The following GTF3C1 variants were observed in gnomAD, a reference collection of about 807,000 sequenced individuals.
The protein encoded by GTF3C1 is general transcription factor IIIC subunit 1.
Under a neutral mutation model 226.7 loss-of-function variants are expected in GTF3C1, and 57 were observed. The observed-to-expected ratio is 0.25, with a 90% confidence interval of 0.20 to 0.31. The LOEUF is 0.31. GTF3C1 is among the 10% of genes least tolerant of loss of function. GTF3C1 has a pLI of 1.00. For synonymous variants in GTF3C1, 1,090 were observed against 1,084.8 expected (o/e 1.00, Z -0.09); for missense variants, 2,217 against 2,776.1 (o/e 0.80, Z 4.53).
chr16:27,540,520 G>A (rs117797913), intron 2 of GTF3C1, among the ~76,000 whole-genome samples: 11 of 152,330 alleles, frequency 7.2e-5, no homozygotes, highest in African/African-American at 2.6e-4. Context: ...TCGCGAATTA[G>A]CTGATTCAAT....
At chr16:27,515,677 C>A (rs1001792690) in intron 6 of GTF3C1, among the ~76,000 whole-genome samples, 3 of 152,160 alleles carry the variant, frequency 2.0e-5, no homozygotes, top group African/African-American at 7.2e-5. Flanking sequence ...TTCCATAGCT[C>A]CCCATGTCTG....
At position 27,489,165 on chromosome 16, in the gene GTF3C1, C is replaced by A; in HGVS notation, c.3307G>T (p.Val1103Leu). ...CCAGGGATCAAGCCTTCATCCACCA[C>A]CTCACGGCTTCCACTAAAAGACAGG... is the stretch of plus-strand genomic sequence containing the variant. ...MLEYTTGSRE[V>L]VDEGLIPGDG... is the part of the protein sequence containing the mutation. The change falls in exon 21 of 37, where the codon GTG (valine) becomes TTG (leucine). Residue 1103 changes from valine (V) to leucine (L), a missense_variant. Coordinates refer to ENST00000356183, the MANE Select transcript of GTF3C1 (RefSeq NM_001520.4). 1 of 1,614,182 alleles carries A rather than the reference C, an allele frequency of 6.2e-7. No homozygotes were observed.
At chr16:27,485,928 CG>C in intron 24 of GTF3C1, 68 bp downstream of exon 24, 1 of 1,073,274 alleles carries the variant, frequency 9.3e-7, no homozygotes. Flanking sequence ...TGGGAGTCCC[CG>C]GAAGGCTCAG....
chr16:27,527,041 C>T (rs2088843942), intron 6 of GTF3C1, among the ~76,000 whole-genome samples: 1 of 152,196 alleles, frequency 6.6e-6, no homozygotes, highest in African/African-American at 2.4e-5. Flanking sequence ...TTCGTCTCTA[C>T]TGAAAATAAA....
chr16:27,498,770 G>A (rs752466099), intron 12 of GTF3C1, 37 bp from the exon 13 acceptor site: 2 of 994,226 alleles, frequency 2.0e-6, no homozygotes, highest in Non-Finnish European at 3.2e-6. Flanking sequence ...CAGGGTGAGG[G>A]AAGAGCTGAG....
Position 27,502,948 on chromosome 16 carries a change from G to T in GTF3C1, c.1818C>A (p.Asp606Glu). The T allele has an allele frequency of 1.9e-6, 3 of 1,613,000 alleles. No individual in the cohort carries two copies. The highest frequency in any genetic ancestry group is 2.5e-6 in the Non-Finnish European group (3 of 1,179,018). Residue 606 changes from aspartate to glutamate, a missense_variant, in exon 11 of 37, where the codon GAC (aspartate) becomes GAA (glutamate). Physicochemically the swap from Asp to Glu is conservative, Grantham distance 45 (BLOSUM62 2). Around this residue, in one of 12 missense-constraint regions of GTF3C1, gnomAD observed 173 missense variants for 207.2 expected, o/e 0.83. Transcript: ENST00000356183. ...GCAGTCGGTAAGTTTCGTGTGGTTT[G>T]TCTTGGCCTGAGCTGTGCCTCCCAG... ...LKTGRHSSGQ[D>E]KPHETYRLLK...
chr16:27,486,002 T>G lies in GTF3C1; in HGVS notation c.3853A>C (p.Thr1285Pro), dbSNP rs760290875. ...TGGGCTGGGCTGGTTGGTACCTTGG[T>G]GTTGAGGACATTGCTGGCAATGCGG... ...LCRIASNVLNTKVKGPFVTWQ... is the reference protein window; with the variant it reads ...LCRIASNVLNPKVKGPFVTWQ... The change falls in exon 24 of 37, where the codon ACC becomes CCC. Residue 1285 changes from threonine to proline, a missense_variant. By Grantham distance (38) the Thr-to-Pro change is conservative (BLOSUM62 -1). This residue lies in a region of GTF3C1 where 546 missense variants were observed against 663.0 expected (regional missense o/e 0.82). Coordinates refer to ENST00000356183, the MANE Select transcript of GTF3C1 (RefSeq NM_001520.4). 6.2e-7 allele frequency: 1 copy of G among 1,605,490 alleles called. No individual in the cohort carries two copies. Among genetic ancestry groups the G allele is most frequent in the Non-Finnish European group, 8.5e-7 (1 of 1,174,726 alleles).
At position 27,469,660 on chromosome 16, in the gene GTF3C1, G is replaced by C. The variant is rs2087836988; in HGVS notation, c.4815-110C>G. 8.3e-7 allele frequency: 1 copy of C among 1,198,950 alleles called. No homozygotes were observed. The highest frequency in any genetic ancestry group is 1.4e-5 in the South Asian group (1 of 71,326). The allele number at this position is 1,198,950 out of a possible 1,614,324, so 74.3% of individuals were successfully genotyped here. ...TGGCTGGGCTTCAGCAGTGGCCCCA[G>C]CAACTGGCTATGCTTCATTACCAAG... On this transcript the variant is annotated intron_variant, in intron 31 of 36. Coordinates refer to ENST00000356183, the MANE Select transcript of GTF3C1 (RefSeq NM_001520.4). This position sits in a 1 kb window ranked among gnomAD's most constrained non-coding sequence, Gnocchi z 4.5.
Position 27,538,200 on chromosome 16 carries a change from G to A in GTF3C1, c.588C>T (p.Asp196=). 1.3e-6 allele frequency: 2 copies of A among 1,577,728 alleles called. No homozygotes were observed. Among genetic ancestry groups the A allele is most frequent in the Non-Finnish European group, 1.7e-6 (2 of 1,164,838 alleles). The change falls in exon 3 of 37, where the codon GAC becomes GAT. Residue 196 remains aspartate, a synonymous_variant. Coordinates refer to ENST00000356183, the MANE Select transcript of GTF3C1 (RefSeq NM_001520.4). The part of the protein sequence containing the change: ...RSRWQGELQR[D]LHTTAFKVDA... Reference sequence around the variant, plus strand: ...CTTACTTGAAAGCAGTGGTGTGAAGGTCTCGCTGGAGCTCCCCTTGCCACC... The same window carrying A: ...CTTACTTGAAAGCAGTGGTGTGAAGATCTCGCTGGAGCTCCCCTTGCCACC...
chr16:27,492,744 T>A lies in GTF3C1; in HGVS notation c.2877-31A>T. 2 of 1,203,936 alleles carry A rather than the reference T, an allele frequency of 1.7e-6. No homozygotes were observed. The highest frequency in any genetic ancestry group is 2.5e-6 in the Non-Finnish European group (2 of 805,216). 74.6% of individuals were successfully genotyped at this position (1,203,936 alleles called of 1,614,324 possible). A position where few individuals can be genotyped will look rare whatever the true frequency, so the allele number is the denominator to read the frequency against. On this transcript the variant is annotated intron_variant, in intron 17 of 36. Coordinates refer to ENST00000356183, the MANE Select transcript of GTF3C1 (RefSeq NM_001520.4). This position sits in a 1 kb window ranked among gnomAD's most constrained non-coding sequence, Gnocchi z 5.0. ...AAACAGAGGGGGCGGGAGGTTCTCA[T>A]CACACCACACTCGCAGCCGGCCGCA...
At chr16:27,530,563 C>A (rs1312727858) in intron 5 of GTF3C1, among the ~76,000 whole-genome samples, 1 of 152,182 alleles carries the variant, frequency 6.6e-6, no homozygotes, top group East Asian at 1.9e-4. Flanking sequence ...CTAATTTATT[C>A]ACTGAATCCT....
In GTF3C1 at chr16:27,545,654, A is replaced by G. The variant is rs553034930; in HGVS notation, c.222-131T>C. On this transcript the variant is annotated intron_variant, in intron 1 of 36. Transcript: ENST00000356183. ...ATCAGTCAGTTTTCCTGCCTTATAA[A>G]TGCAGATAATCTTGACAAGCAGGTT... The G allele has an allele frequency of 9.5e-5, 61 of 642,704 alleles. No individual in the cohort carries two copies. In the South Asian group the frequency reaches 1.1e-3, roughly 11 times the overall value. 39.8% of individuals were successfully genotyped at this position (642,704 alleles called of 1,614,324 possible).
intron 16 of GTF3C1, among the ~76,000 whole-genome samples, chr16:27,494,176 C>T (rs577712108): frequency 8.5e-5 from 13 of 152,084 alleles, no homozygotes; most frequent in East Asian, 5.8e-4. Flanking sequence ...CCAAGACGGG[C>T]GGATCACAAG....
chr16:27,491,457 G>C (rs561165704), intron 19 of GTF3C1, among the ~76,000 whole-genome samples: 80 of 152,294 alleles, frequency 5.3e-4, no homozygotes, highest in African/African-American at 1.8e-3. Flanking sequence ...ACACATCATG[G>C]GGATGGAAGC....
intron 6 of GTF3C1, among the ~76,000 whole-genome samples, chr16:27,513,116 G>A (rs2088601671): frequency 6.6e-6 from 1 of 152,110 alleles, no homozygotes; most frequent in African/African-American, 2.4e-5. Flanking sequence ...GAATTTTGAG[G>A]TAAGATTATC....
In GTF3C1 at chr16:27,506,074, G is replaced by A. The variant is rs201119327; in HGVS notation, c.1595C>T (p.Pro532Leu). 18 of 1,613,664 alleles carry A rather than the reference G, an allele frequency of 1.1e-5. No individual in the cohort carries two copies. Among genetic ancestry groups the A allele is most frequent in the Admixed American group, 3.3e-5 (2 of 60,026 alleles). Residue 532 changes from proline to leucine, a missense_variant, in exon 10 of 37, where the codon CCG becomes CTG. Pro to Leu is a moderately conservative substitution (Grantham distance 98, BLOSUM62 -3). Coordinates refer to ENST00000356183, the MANE Select transcript of GTF3C1 (RefSeq NM_001520.4). ...VVNLHPLKKQPPSFPGAAEER... is the reference protein window; with the variant it reads ...VVNLHPLKKQLPSFPGAAEER... ...TTCAGCAGCTCCTGGGAAGGAGGGC[G>A]GCTGCTTTTTCAATGGGTGTAGGTT... is the stretch of plus-strand genomic sequence containing the variant.
chr16:27,463,479 C>T lies in GTF3C1; in HGVS notation c.5924+62G>A. ...ACCCTCAAAGACCCTCACACAAATC[C>T]TTACACTCGGTCCCTGTCAAGAGCC... On this transcript the variant is annotated intron_variant, in intron 35 of 36. Coordinates refer to ENST00000356183, the MANE Select transcript of GTF3C1 (RefSeq NM_001520.4). The surrounding 1 kb of genome is among the most constrained non-coding windows in gnomAD (Gnocchi z 4.9). 1 of 928,304 alleles carries T rather than the reference C, an allele frequency of 1.1e-6. No individual in the cohort carries two copies. The highest frequency in any genetic ancestry group is 1.3e-5 in the South Asian group (1 of 76,756). 57.5% of individuals were successfully genotyped at this position (928,304 alleles called of 1,614,324 possible). A position where few individuals can be genotyped will look rare whatever the true frequency, so the allele number is the denominator to read the frequency against.
intron 1 of GTF3C1, among the ~76,000 whole-genome samples, chr16:27,547,443 C>T (rs1400387028): frequency 6.6e-6 from 1 of 151,972 alleles, no homozygotes; most frequent in Non-Finnish European, 1.5e-5. Context: ...CCAGACTCAA[C>T]CCCCACGCTG....
chr16:27,467,391 C>A (rs997944327), intron 32 of GTF3C1, among the ~76,000 whole-genome samples: 2 of 152,188 alleles, frequency 1.3e-5, no homozygotes, highest in African/African-American at 4.8e-5. Flanking sequence ...ACTGTAGAGA[C>A]CTACTGCTCA....
Sources: allele counts gnomAD v4.1 joint callset (sites outside exome capture counted in the v4.1 genomes callset), GRCh38; gene constraint gnomAD v4.1.1; regional missense constraint gnomAD v4.1.1; non-coding constraint Gnocchi (gnomAD v3.1); transcripts MANE v1.5; gene names NCBI Gene and HGNC (gene_info 2026-07-23, HGNC 2026-07-21).